EFHD2: variants seen among roughly 807,000 people sequenced by gnomAD.
The protein encoded by EFHD2 is EF-hand domain-containing protein D2.
In EFHD2, 12 loss-of-function variants were observed where a neutral mutation model predicts 20.3. The observed-to-expected ratio is 0.59, with a 90% confidence interval of 0.38 to 0.96. EFHD2 has a LOEUF of 0.96. Among genes scored for constraint, EFHD2 ranks in the 40% least tolerant of loss-of-function variants. The pLI, the probability that EFHD2 is intolerant of heterozygous loss-of-function variation, is 0.00. For synonymous variants in EFHD2, 131 were observed against 143.9 expected, an observed-to-expected ratio of 0.91 and a Z score of 0.64; for missense variants, 250 against 334.3, an observed-to-expected ratio of 0.75 and a Z score of 1.97.
Position 15,422,073 on chromosome 1 carries a change from C to CCAGGTCATT in EFHD2, c.309-3796_309-3788dup, listed in dbSNP as rs573479522. Among the ~76,000 whole-genome samples the CCAGGTCATT allele has an allele frequency of 5.9e-4, 88 of 149,882 alleles. No homozygotes were observed. The East Asian group carries it at 9.6e-3, about 16-fold the overall frequency. ...GCCTCAGCTCCACTGGCACTTGGGGCCAGGTCATTCCATTTTTTTTTTTTT... is the reference window on the plus strand; with the variant it reads ...GCCTCAGCTCCACTGGCACTTGGGGCCAGGTCATTCAGGTCATTCCATTTTTTTTTTTTT... On this transcript the variant is annotated intron_variant, in intron 1 of 3. Transcript: ENST00000375980.
At chr1:15,410,542 C>T (rs1452243663) in intron 1 of EFHD2, among the ~76,000 whole-genome samples, 1 of 152,142 alleles carries the variant, frequency 6.6e-6, no homozygotes, top group Non-Finnish European at 1.5e-5. Flanking sequence ...ACACCATAGA[C>T]GCGTCCACAG....
At chr1:15,422,314 A>G (rs2103277204) in intron 1 of EFHD2, among the ~76,000 whole-genome samples, 1 of 150,758 alleles carries the variant, frequency 6.6e-6, no homozygotes, top group Admixed American at 6.6e-5. Flanking sequence ...GATGGTCTTG[A>G]TCTCCTGACC....
chr1:15,410,223 C>A lies in EFHD2; in HGVS notation c.252C>A (p.Thr84=). 1.9e-6 allele frequency: 3 copies of A among 1,606,986 alleles called. No homozygotes were observed. Among genetic ancestry groups the A allele is most frequent in the South Asian group, 1.1e-5 (1 of 90,126 alleles). Residue 84 remains threonine, a synonymous_variant, in exon 1 of 4, where the codon ACC becomes ACA. Coordinates refer to ENST00000375980, the MANE Select transcript of EFHD2 (RefSeq NM_024329.6). ...SPSRRVFNPY[T]EFKEFSRKQI... ...GCCGCCGCGTCTTCAACCCCTACAC[C>A]GAGTTCAAGGAGTTCTCCAGGAAGC...
At chr1:15,410,710 T>C (rs1039823989) in intron 1 of EFHD2, among the ~76,000 whole-genome samples, 1 of 150,040 alleles carries the variant, frequency 6.7e-6, no homozygotes. Context: ...GCGGCCTTCC[T>C]TCCCCGATCC....
chr1:15,422,544 G>A lies in EFHD2; in HGVS notation c.309-3327G>A, dbSNP rs114505433. Among the ~76,000 whole-genome samples the A allele has an allele frequency of 4.0e-3, 610 of 152,076 alleles. 6 individuals are homozygous for A. The highest frequency in any genetic ancestry group is 0.013 in the African/African-American group (544 of 41,488). ...AGACATTGCCAGATGTCTCCTGGGG[G>A]GCACATGCACCCCAGCTTAAGAGAT... On this transcript the variant is annotated intron_variant, in intron 1 of 3. Transcript: ENST00000375980.
chr1:15,423,142 C>T (rs555497004), intron 1 of EFHD2, among the ~76,000 whole-genome samples: 26 of 152,326 alleles, frequency 1.7e-4, no homozygotes, highest in Middle Eastern at 3.4e-3. Flanking sequence ...GAGGCGCCTC[C>T]GCTGTGCCCC....
intron 3 of EFHD2, among the ~76,000 whole-genome samples, chr1:15,428,340 C>T (rs1707907792): frequency 6.6e-6 from 1 of 152,054 alleles, no homozygotes; most frequent in South Asian, 2.1e-4. Context: ...CTACTAAAAA[C>T]ACCAAAATTA....
intron 1 of EFHD2, among the ~76,000 whole-genome samples, chr1:15,418,582 G>A (rs2473353): frequency 0.59 from 88,808 of 151,380 alleles, 26,153 homozygotes; most frequent in East Asian, 0.73. Context: ...TGGGATTACA[G>A]GCGGGAGCCA....
rs1252881840 is a variant in EFHD2 at position 15,426,915 on chromosome 1, G to A, written c.457-235G>A. On this transcript the variant is annotated intron_variant, in intron 2 of 3. Transcript: ENST00000375980. This position sits in a 1 kb window ranked among gnomAD's most constrained non-coding sequence, Gnocchi z 4.6. Reference sequence around the variant, plus strand: ...CGGGAGCTGGTGTGGGCGGGTCAGGGCTGCAGTAGGCCAGCATCCTGGGTG... The same window carrying A: ...CGGGAGCTGGTGTGGGCGGGTCAGGACTGCAGTAGGCCAGCATCCTGGGTG... Among the ~76,000 whole-genome samples, 1 of 152,180 alleles carries A rather than the reference G, an allele frequency of 6.6e-6. No individual in the cohort carries two copies. Among genetic ancestry groups the A allele is most frequent in the Non-Finnish European group, 1.5e-5 (1 of 68,020 alleles).
intron 1 of EFHD2, among the ~76,000 whole-genome samples, chr1:15,422,671 C>G (rs925218469): frequency 1.3e-5 from 2 of 151,896 alleles, no homozygotes; most frequent in Non-Finnish European, 2.9e-5. Context: ...ACCATCCTGG[C>G]TAACACGGTG....
In EFHD2 at chr1:15,416,334, G is replaced by A. The variant is rs376508556; in HGVS notation, c.308+6055G>A. On this transcript the variant is annotated intron_variant, in intron 1 of 3. Coordinates refer to ENST00000375980, the MANE Select transcript of EFHD2 (RefSeq NM_024329.6). ...TCGTTTCCTCAAGGCCAGCCCTGCC[G>A]GCAGAGGCAGAGTCACTTTGCAGCC... Among the ~76,000 whole-genome samples the A allele has an allele frequency of 1.2e-4, 18 of 152,174 alleles. No individual in the cohort carries two copies. In the East Asian group the frequency reaches 2.5e-3, roughly 21 times the overall value.
intron 1 of EFHD2, among the ~76,000 whole-genome samples, chr1:15,425,474 G>A (rs943840342): frequency 1.3e-5 from 2 of 151,762 alleles, no homozygotes; most frequent in Non-Finnish European, 1.5e-5. Flanking sequence ...GCAGCGAGCC[G>A]AGATTGAGCC....
chr1:15,424,329 C>T (rs1315859098), intron 1 of EFHD2, among the ~76,000 whole-genome samples: 1 of 152,150 alleles, frequency 6.6e-6, no homozygotes, highest in African/African-American at 2.4e-5. Context: ...AACAGCGCCT[C>T]GCCCTCTTTC....
chr1:15,424,128 G>A (rs552296973), intron 1 of EFHD2, among the ~76,000 whole-genome samples: 3 of 151,830 alleles, frequency 2.0e-5, no homozygotes, highest in East Asian at 1.9e-4. Context: ...GGAGGTAGAG[G>A]CTGCAGTAAG....
chr1:15,426,883 G>C lies in EFHD2; in HGVS notation c.457-267G>C, dbSNP rs556063098. Reference sequence around the variant, plus strand: ...CAGAGGTAAGAGGTAGGCTGAGGCCGTGTCGTCGGGAGCTGGTGTGGGCGG... The same window carrying C: ...CAGAGGTAAGAGGTAGGCTGAGGCCCTGTCGTCGGGAGCTGGTGTGGGCGG... On this transcript the variant is annotated intron_variant, in intron 2 of 3. Transcript: ENST00000375980. The surrounding 1 kb of genome is among the most constrained non-coding windows in gnomAD (Gnocchi z 4.6). 6.6e-6 allele frequency among the ~76,000 whole-genome samples: 1 copy of C among 152,210 alleles called. No individual in the cohort carries two copies. Among genetic ancestry groups the C allele is most frequent in the Admixed American group, 6.5e-5 (1 of 15,284 alleles).
intron 1 of EFHD2, among the ~76,000 whole-genome samples, chr1:15,416,741 C>G (rs1213680875): frequency 6.6e-6 from 1 of 150,996 alleles, no homozygotes; most frequent in Admixed American, 6.6e-5. Context: ...ACACCAGCAG[C>G]TTCACCGCCC....
chr1:15,424,637 A>C (rs1707843628), intron 1 of EFHD2, among the ~76,000 whole-genome samples: 1 of 152,226 alleles, frequency 6.6e-6, no homozygotes, highest in African/African-American at 2.4e-5. Context: ...GCCTCCTGCC[A>C]CCTGGCCCTG....
chr1:15,423,727 TG>T (rs1371121910), intron 1 of EFHD2, among the ~76,000 whole-genome samples: 1 of 152,138 alleles, frequency 6.6e-6, no homozygotes, highest in Non-Finnish European at 1.5e-5. Context: ...CGAAAGGAGC[TG>T]GGGAGCCCGT....
At chr1:15,428,192 C>T (rs1707905496) in intron 3 of EFHD2, among the ~76,000 whole-genome samples, 1 of 152,060 alleles carries the variant, frequency 6.6e-6, no homozygotes, top group African/African-American at 2.4e-5. Flanking sequence ...AGAAGGGACC[C>T]CAGGAAAAGC....
Sources: allele counts gnomAD v4.1 joint callset (sites outside exome capture counted in the v4.1 genomes callset), GRCh38; gene constraint gnomAD v4.1.1; non-coding constraint Gnocchi (gnomAD v3.1); transcripts MANE v1.5; gene names NCBI Gene and HGNC (gene_info 2026-07-23, HGNC 2026-07-21).